The following EPHA6 variants were observed in gnomAD, a reference collection of about 807,000 sequenced individuals.
The protein encoded by EPHA6 is EPH receptor A6, also known as ephrin type-A receptor 6.
In EPHA6, 50 loss-of-function variants were observed where a neutral mutation model predicts 112.0. The observed-to-expected ratio is 0.45, with a 90% CI of 0.36 to 0.56. The LOEUF is 0.56. Among genes scored for constraint, EPHA6 ranks in the 20% least tolerant of loss-of-function variants. The probability of loss-of-function intolerance (pLI) is 0.00; values close to 1 mark genes in which losing one functional copy is unlikely to be tolerated. For missense variants in EPHA6, 1,280 were observed against 1,417.4 expected (o/e 0.90, Z 1.56); for synonymous variants, 529 against 490.7 (o/e 1.08, Z -1.03).
chr3:96,870,719 G>T (rs1359515050), intron 2 of EPHA6, among the ~76,000 whole-genome samples: 1 of 152,002 alleles, frequency 6.6e-6, no homozygotes, highest in Non-Finnish European at 1.5e-5. Flanking sequence ...AATAAAAGAA[G>T]CAGAGATTAC....
chr3:97,368,870 T>C (rs2084890456), intron 5 of EPHA6, among the ~76,000 whole-genome samples: 1 of 152,144 alleles, frequency 6.6e-6, no homozygotes. Flanking sequence ...AAAAAGTATA[T>C]AATGAATAAA....
chr3:97,010,658 A>G (rs115182957), intron 3 of EPHA6, among the ~76,000 whole-genome samples: 2,114 of 151,734 alleles, frequency 0.014, 60 homozygotes, highest in African/African-American at 0.048. Context: ...AATTATTTTT[A>G]TTTATTTATT....
At position 96,956,193 on chromosome 3, in the gene EPHA6, C is replaced by A. The variant is rs1316762574; in HGVS notation, c.451-31137C>A. 2.0e-5 allele frequency among the ~76,000 whole-genome samples: 3 copies of A among 152,238 alleles called. No homozygotes were observed. In the East Asian group the frequency reaches 5.8e-4, roughly 29 times the overall value. ...ATTCCTAAGCTTTCTGAAAAAGTAACAATCCATACACATAGAGATTGGTAA... is the reference window on the plus strand; with the variant it reads ...ATTCCTAAGCTTTCTGAAAAAGTAAAAATCCATACACATAGAGATTGGTAA... On this transcript the variant is annotated intron_variant, in intron 2 of 17. Transcript: ENST00000389672.
intron 10 of EPHA6, among the ~76,000 whole-genome samples, chr3:97,526,330 C>T (rs1360008064): frequency 1.3e-5 from 2 of 152,302 alleles, no homozygotes; most frequent in South Asian, 2.1e-4. Context: ...GTTGGCAAAG[C>T]GTGTCAGGGA....
intron 3 of EPHA6, among the ~76,000 whole-genome samples, chr3:97,086,835 GTACTAATCTATAATTTA>G (rs72143282): frequency 0.028 from 4,310 of 152,136 alleles, 220 homozygotes; most frequent in African/African-American, 0.098. Flanking sequence ...TCTAAAGAAT[GTACTAATCTATAATTTA>G]TAGATTTTTT....
intron 10 of EPHA6, among the ~76,000 whole-genome samples, chr3:97,512,051 T>C (rs985474660): frequency 2.6e-5 from 4 of 152,184 alleles, no homozygotes; most frequent in African/African-American, 9.6e-5. Context: ...AAACTTTTTT[T>C]AAGTATGATG....
intron 10 of EPHA6, among the ~76,000 whole-genome samples, chr3:97,499,581 G>A (rs1252400297): frequency 5.3e-5 from 8 of 152,136 alleles, no homozygotes; most frequent in South Asian, 4.1e-4. Flanking sequence ...TCTATTGTAC[G>A]CTGAAGCTAT....
chr3:96,832,361 T>C (rs951655622), intron 1 of EPHA6, among the ~76,000 whole-genome samples: 1 of 152,074 alleles, frequency 6.6e-6, no homozygotes, highest in Admixed American at 6.6e-5. Flanking sequence ...AATAAAATCA[T>C]GAAGCTAAAG....
intron 14 of EPHA6, among the ~76,000 whole-genome samples, chr3:97,700,159 T>G (rs1471751436): frequency 6.6e-6 from 1 of 152,216 alleles, no homozygotes; most frequent in Non-Finnish European, 1.5e-5. Flanking sequence ...CCAAATGAGC[T>G]GTATGGAGAA....
chr3:97,129,870 T>C (rs913297379), intron 3 of EPHA6, among the ~76,000 whole-genome samples: 6 of 152,070 alleles, frequency 3.9e-5, no homozygotes, highest in Admixed American at 3.9e-4. Context: ...TAGTGAGAGA[T>C]GAGGGATTTG....
At chr3:97,553,770 G>A (rs950880723) in intron 11 of EPHA6, among the ~76,000 whole-genome samples, 7 of 152,144 alleles carry the variant, frequency 4.6e-5, no homozygotes, top group African/African-American at 2.4e-5. Context: ...TGGTCAGGAT[G>A]TCACATTGCT....
At position 96,879,283 on chromosome 3, in the gene EPHA6, A is replaced by G. The variant is rs555498778; in HGVS notation, c.450+12394A>G. Reference sequence around the variant, plus strand: ...TGCTGGATACAAGATCAATATATGAATTCAAATTTATTTCTATCTACCATA... The same window carrying G: ...TGCTGGATACAAGATCAATATATGAGTTCAAATTTATTTCTATCTACCATA... On this transcript the variant is annotated intron_variant, in intron 2 of 17. Coordinates refer to ENST00000389672, the MANE Select transcript of EPHA6 (RefSeq NM_001080448.3). Among the ~76,000 whole-genome samples, 10 of 152,198 alleles carry G rather than the reference A, an allele frequency of 6.6e-5. No homozygotes were observed. In the East Asian group the frequency reaches 1.9e-3, roughly 29 times the overall value.
At position 97,542,248 on chromosome 3, in the gene EPHA6, G is replaced by A. The variant is rs1422974487; in HGVS notation, c.2386+9705G>A. Among the ~76,000 whole-genome samples, 9 of 151,696 alleles carry A rather than the reference G, an allele frequency of 5.9e-5. No individual in the cohort carries two copies. In the East Asian group the frequency reaches 7.8e-4, roughly 13 times the overall value. ...CTAATGCTATCCCTCCCCTCTCCCCGCACCCCACTACAGTACCCAGTGTGT... is the reference window on the plus strand; with the variant it reads ...CTAATGCTATCCCTCCCCTCTCCCCACACCCCACTACAGTACCCAGTGTGT... On this transcript the variant is annotated intron_variant, in intron 11 of 17. Transcript: ENST00000389672.
chr3:97,286,249 T>TATTACTCC (rs2080460922), intron 5 of EPHA6, among the ~76,000 whole-genome samples: 1 of 152,192 alleles, frequency 6.6e-6, no homozygotes, highest in Non-Finnish European at 1.5e-5. Context: ...TAATATACTC[T>TATTACTCC]ATTACTCCAT....
intron 2 of EPHA6, among the ~76,000 whole-genome samples, chr3:96,885,747 C>T (rs1450299383): frequency 1.3e-5 from 2 of 151,798 alleles, no homozygotes; most frequent in African/African-American, 4.8e-5. Context: ...ATCTTTGTTA[C>T]GTCCCTTTTT....
At chr3:97,709,049 G>T (rs1263763750) in intron 14 of EPHA6, among the ~76,000 whole-genome samples, 1 of 151,722 alleles carries the variant, frequency 6.6e-6, no homozygotes, top group Non-Finnish European at 1.5e-5. Context: ...TGGGGTTGGA[G>T]CCCCCACCCA....
intron 1 of EPHA6, among the ~76,000 whole-genome samples, chr3:96,849,297 T>G (rs1040470859): frequency 1.3e-5 from 2 of 152,138 alleles, no homozygotes; most frequent in African/African-American, 4.8e-5. Context: ...TCTGACTTGG[T>G]ATTTATTCAT....
At chr3:97,108,554 T>C (rs2047634224) in intron 3 of EPHA6, among the ~76,000 whole-genome samples, 5 of 152,174 alleles carry the variant, frequency 3.3e-5, no homozygotes. Context: ...AATGCTTCAT[T>C]ATGTGACATT....
At chr3:97,600,306 G>C (rs2093632711) in intron 12 of EPHA6, among the ~76,000 whole-genome samples, 1 of 149,864 alleles carries the variant, frequency 6.7e-6, no homozygotes, top group African/African-American at 2.5e-5. Flanking sequence ...ACACTATGTT[G>C]AATAGGAGTG....
Sources: allele counts gnomAD v4.1 joint callset (sites outside exome capture counted in the v4.1 genomes callset), GRCh38; gene constraint gnomAD v4.1.1; transcripts MANE v1.5; gene names NCBI Gene and HGNC (gene_info 2026-07-23, HGNC 2026-07-21).